KLF12: variants seen among roughly 807,000 people sequenced by gnomAD.
The protein encoded by KLF12 is Krueppel-like factor 12.
A neutral mutation model predicts 37.8 loss-of-function variants in KLF12; 9 were observed. The ratio of observed to expected loss-of-function variants is 0.24; its 90% confidence interval spans 0.14 to 0.42. The LOEUF (loss-of-function observed/expected upper bound fraction) is 0.42. Ranked by LOEUF, KLF12 falls within the 10% of genes least tolerant of loss-of-function variation. The probability of loss-of-function intolerance (pLI) is 1.00; values close to 1 mark genes in which losing one functional copy is unlikely to be tolerated. For missense variants in KLF12, 411 were observed against 516.0 expected (o/e 0.80, Z 1.97); for synonymous variants, 208 against 202.1 (o/e 1.03, Z -0.25).
At position 74,017,258 on chromosome 13, in the gene KLF12, T is replaced by TA. The variant is rs56321692; in HGVS notation, c.-31-22206dup. Among the ~76,000 whole-genome samples the TA allele has an allele frequency of 8.3e-4, 38 of 45,608 alleles. 1 individual carries two copies. Among genetic ancestry groups the TA allele is most frequent in the South Asian group, 4.5e-3 (3 of 674 alleles). The allele number at this position is 45,608 out of a possible 152,430, so 29.9% of individuals were successfully genotyped here. A position where few individuals can be genotyped will look rare whatever the true frequency, so the allele number is the denominator to read the frequency against. ...AGCGAATAAATAAGTGCCCTCAACC[T>TA]AAAAAAAAAAAAAAAAAAAAAAAAA... is the stretch of plus-strand genomic sequence containing the variant. On this transcript the variant is annotated intron_variant, in intron 1 of 7. Transcript: ENST00000377669.
intron 2 of KLF12, among the ~76,000 whole-genome samples, chr13:73,959,123 C>CCAAAAAAAAAAAAAAA (rs1426225487): frequency 8.7e-5 from 1 of 11,504 alleles, no homozygotes; most frequent in African/African-American, 1.8e-4. Flanking sequence ...CACCCCCCTT[C>CCAAAAAAAAAAAAAAA]CAAAAAAAAA....
intron 4 of KLF12, among the ~76,000 whole-genome samples, chr13:73,835,577 G>C (rs1275714088): frequency 6.6e-6 from 1 of 152,098 alleles, no homozygotes; most frequent in Non-Finnish European, 1.5e-5. Context: ...TGAAAGGGAG[G>C]TGCAGAAAGG....
At chr13:73,843,082 C>T (rs1336565572) in intron 4 of KLF12, among the ~76,000 whole-genome samples, 1 of 152,088 alleles carries the variant, frequency 6.6e-6, no homozygotes, top group Non-Finnish European at 1.5e-5. Flanking sequence ...ACTCTCATCC[C>T]TTATAATTTG....
At chr13:74,077,907 T>C (rs1874657741) in intron 1 of KLF12, among the ~76,000 whole-genome samples, 1 of 152,212 alleles carries the variant, frequency 6.6e-6, no homozygotes, top group South Asian at 2.1e-4. Flanking sequence ...TGTTTGTCTT[T>C]TAAGAAGTTA....
intron 6 of KLF12, among the ~76,000 whole-genome samples, chr13:73,720,218 G>T (rs1270402712): frequency 2.6e-5 from 4 of 152,108 alleles, no homozygotes; most frequent in Non-Finnish European, 4.4e-5. Flanking sequence ...ATAAGAAGGG[G>T]TGTTAGGTAA....
chr13:74,262,739 C>T, the KLF12 span, among the ~76,000 whole-genome samples: 268 of 152,174 alleles, frequency 1.8e-3, 1 homozygote, highest in East Asian at 0.033. Context: ...ACTGTATTTC[C>T]AGAGAAGACT....
intron 1 of KLF12, among the ~76,000 whole-genome samples, chr13:74,011,562 C>G (rs949554304): frequency 2.6e-5 from 4 of 151,942 alleles, no homozygotes; most frequent in African/African-American, 9.7e-5. Context: ...AACTGCAGAT[C>G]AAAAATATTC....
intron 1 of KLF12, among the ~76,000 whole-genome samples, chr13:74,002,839 T>G (rs925267451): frequency 6.6e-6 from 1 of 152,202 alleles, no homozygotes; most frequent in Admixed American, 6.5e-5. Context: ...AATTCACACA[T>G]GAACTGCCTA....
At chr13:74,111,519 G>A (rs1347111344) in intron 1 of KLF12, among the ~76,000 whole-genome samples, 2 of 152,110 alleles carry the variant, frequency 1.3e-5, no homozygotes, top group African/African-American at 2.4e-5. Context: ...GTAACCTGCT[G>A]AAAAATTCTA....
At chr13:74,159,875 T>C in the KLF12 span, among the ~76,000 whole-genome samples, 1 of 151,808 alleles carries the variant, frequency 6.6e-6, no homozygotes, top group African/African-American at 2.4e-5. Context: ...AAAAACTGCA[T>C]GTCTGTGTCC....
intron 1 of KLF12, among the ~76,000 whole-genome samples, chr13:74,091,249 GAACTAA>G (rs1344175075): frequency 1.3e-5 from 2 of 152,146 alleles, no homozygotes; most frequent in East Asian, 3.9e-4. Context: ...ACAAACATTC[GAACTAA>G]AACAATAAAT....
At chr13:74,084,520 AG>A (rs1875135486) in intron 1 of KLF12, among the ~76,000 whole-genome samples, 1 of 152,214 alleles carries the variant, frequency 6.6e-6, no homozygotes, top group Non-Finnish European at 1.5e-5. Flanking sequence ...TTACCATGAT[AG>A]CGGCAAATTT....
At chr13:73,788,193 G>A (rs534166782) in intron 5 of KLF12, among the ~76,000 whole-genome samples, 10 of 151,968 alleles carry the variant, frequency 6.6e-5, no homozygotes, top group African/African-American at 1.7e-4. Context: ...TATTTTCCCT[G>A]GTAAAATTAT....
chr13:73,990,392 A>AT (rs1241633719), intron 2 of KLF12, among the ~76,000 whole-genome samples: 1 of 152,116 alleles, frequency 6.6e-6, no homozygotes, highest in Non-Finnish European at 1.5e-5. Context: ...GGACAAAAAA[A>AT]ACAAAACAAG....
chr13:74,013,337 AG>A (rs1400348366), intron 1 of KLF12, among the ~76,000 whole-genome samples: 1 of 152,242 alleles, frequency 6.6e-6, no homozygotes, highest in Admixed American at 6.5e-5. Context: ...GCCAGGGTTG[AG>A]ACCGAGGTGG....
intron 3 of KLF12, among the ~76,000 whole-genome samples, chr13:73,853,109 C>T (rs577904819): frequency 1.3e-3 from 192 of 152,078 alleles, no homozygotes; most frequent in African/African-American, 4.3e-3. Context: ...CCTCGTGATC[C>T]GCCTCCCTCG....
At chr13:73,761,571 T>G (rs1219966291) in intron 6 of KLF12, among the ~76,000 whole-genome samples, 1 of 152,188 alleles carries the variant, frequency 6.6e-6, no homozygotes, top group African/African-American at 2.4e-5. Context: ...TTTTCCTCTG[T>G]CTTTTTCACT....
chr13:73,935,531 T>C lies in KLF12; in HGVS notation c.123+8450A>G, dbSNP rs76403259. 9.9e-3 allele frequency among the ~76,000 whole-genome samples: 1,511 copies of C among 152,224 alleles called. 15 individuals carry two copies. Among genetic ancestry groups the C allele is most frequent in the African/African-American group, 0.033 (1,360 of 41,532 alleles). On this transcript the variant is annotated intron_variant, in intron 3 of 7. Coordinates refer to ENST00000377669, the MANE Select transcript of KLF12 (RefSeq NM_007249.5). ...TGGCTTGGTGTTGTCTTCATGGTAA[T>C]GAATGCGTTCTCACTCTGAGTTCAC...
intron 5 of KLF12, among the ~76,000 whole-genome samples, chr13:73,804,524 A>G (rs1882458641): frequency 6.6e-6 from 1 of 152,152 alleles, no homozygotes; most frequent in African/African-American, 2.4e-5. Flanking sequence ...TGGCTCCTAA[A>G]TACCCACAGA....
Sources: gnomAD v4.1 joint callset for allele counts (sites outside exome capture counted in the v4.1 genomes callset) on GRCh38, gnomAD v4.1.1 for gene constraint, MANE v1.5 for transcripts, NCBI Gene and HGNC (gene_info 2026-07-23, HGNC 2026-07-21) for gene names.